EPB41L4A: variants seen among roughly 807,000 people sequenced by gnomAD.
EPB41L4A encodes band 4.1-like protein 4A.
EPB41L4A carries 100 observed loss-of-function variants against 108.6 expected under a neutral mutation model. The observed-to-expected ratio is 0.92, with a 90% CI of 0.78 to 1.09. The LOEUF (loss-of-function observed/expected upper bound fraction) is 1.09. EPB41L4A is among the 50% of genes least tolerant of loss of function. EPB41L4A has a pLI of 0.00. For missense variants in EPB41L4A, 1,030 were observed against 842.7 expected, an observed-to-expected ratio of 1.22 and a Z score of -2.75; for synonymous variants, 319 against 289.0, an observed-to-expected ratio of 1.10 and a Z score of -1.05.
At chr5:112,156,022 AAT>A (rs1414464180) in intron 12 of EPB41L4A, among the ~76,000 whole-genome samples, 2 of 152,312 alleles carry the variant, frequency 1.3e-5, no homozygotes, top group South Asian at 4.1e-4. Context: ...CTCTAAACAG[AAT>A]ACTTTTTGAA....
chr5:112,223,664 A>G (rs1218447488), intron 12 of EPB41L4A, among the ~76,000 whole-genome samples: 1 of 152,228 alleles, frequency 6.6e-6, no homozygotes, highest in East Asian at 1.9e-4. Flanking sequence ...GCCAATTCCC[A>G]CTGCTGACTT....
intron 1 of EPB41L4A, among the ~76,000 whole-genome samples, chr5:112,335,949 A>G (rs536910059): frequency 6.6e-6 from 1 of 152,224 alleles, no homozygotes; most frequent in South Asian, 2.1e-4. Flanking sequence ...TCCTTCGTCT[A>G]GAAACAGTAC....
chr5:112,414,619 A>G (rs1762599442), intron 1 of EPB41L4A, among the ~76,000 whole-genome samples: 1 of 152,228 alleles, frequency 6.6e-6, no homozygotes, highest in Non-Finnish European at 1.5e-5. Flanking sequence ...GTAGTTCACT[A>G]TCAACCAAGA....
At chr5:112,414,604 A>T (rs1027236831) in intron 1 of EPB41L4A, among the ~76,000 whole-genome samples, 1 of 152,204 alleles carries the variant, frequency 6.6e-6, no homozygotes, top group Non-Finnish European at 1.5e-5. Flanking sequence ...TGGACTGCAA[A>T]AAGTGTAGTT....
In EPB41L4A at chr5:112,307,377, C is replaced by T. The variant is rs1437313646; in HGVS notation, c.204+9G>A. On this transcript the variant is annotated intron_variant, in intron 2 of 22. Transcript: ENST00000261486. ...CCAGAAAAATTTAACACAAAGTCAC[C>T]TTACTCACCGTCTGATGGCTTCTGT... 6.3e-7 allele frequency: 1 copy of T among 1,582,522 alleles called. No individual in the cohort carries two copies. Among genetic ancestry groups the T allele is most frequent in the Non-Finnish European group, 8.7e-7 (1 of 1,152,736 alleles).
At chr5:112,377,033 G>A (rs1044804224) in intron 1 of EPB41L4A, among the ~76,000 whole-genome samples, 2 of 151,760 alleles carry the variant, frequency 1.3e-5, no homozygotes, top group African/African-American at 2.4e-5. Flanking sequence ...GGGAGACCCC[G>A]TCTCTATAAA....
chr5:112,374,354 C>T (rs1394204392), intron 1 of EPB41L4A, among the ~76,000 whole-genome samples: 1 of 152,096 alleles, frequency 6.6e-6, no homozygotes, highest in Non-Finnish European at 1.5e-5. Flanking sequence ...TCACCCAAAG[C>T]TGTAGATCAA....
chr5:112,312,008 A>G (rs1282372298), intron 1 of EPB41L4A, among the ~76,000 whole-genome samples: 1 of 152,222 alleles, frequency 6.6e-6, no homozygotes, highest in African/African-American at 2.4e-5. Flanking sequence ...ATTACGTATG[A>G]CAATGAGAAG....
chr5:112,361,714 AAT>A (rs1561607716), intron 1 of EPB41L4A, among the ~76,000 whole-genome samples: 1,276 of 114,196 alleles, frequency 0.011, 21 homozygotes, highest in South Asian at 0.053. Flanking sequence ...AAAAAAAAAT[AAT>A]AATAATAATA....
At chr5:112,218,971 A>AAT (rs1176738188) in intron 12 of EPB41L4A, among the ~76,000 whole-genome samples, 2 of 152,210 alleles carry the variant, frequency 1.3e-5, no homozygotes, top group African/African-American at 4.8e-5. Context: ...AAACATATCC[A>AAT]ATGTAATAAA....
At chr5:112,419,832 T>G, upstream of EPB41L4A, 1 of 456,684 alleles carries the variant, frequency 2.2e-6, no homozygotes, top group Non-Finnish European at 4.4e-6. Context: ...TCATTACGGG[T>G]GGCCGTGTGT....
In EPB41L4A at chr5:112,272,187, T is replaced by C. The variant is rs138321732; in HGVS notation, c.335+3139A>G. On this transcript the variant is annotated intron_variant, in intron 4 of 22. Coordinates refer to ENST00000261486, the MANE Select transcript of EPB41L4A (RefSeq NM_022140.5). Reference sequence around the variant, plus strand: ...TCTAGCTCTGTCGCCCAGGCTGGAGTGCAGTGCCGCAATCTTGGCTCACTG... The same window carrying C: ...TCTAGCTCTGTCGCCCAGGCTGGAGCGCAGTGCCGCAATCTTGGCTCACTG... 5.1e-4 allele frequency among the ~76,000 whole-genome samples: 73 copies of C among 144,036 alleles called. 1 individual carries two copies. Among genetic ancestry groups the C allele is most frequent in the African/African-American group, 1.9e-3 (72 of 38,820 alleles). The allele number at this position is 144,036 out of a possible 152,430, so 94.5% of individuals were successfully genotyped here.
intron 1 of EPB41L4A, among the ~76,000 whole-genome samples, chr5:112,332,113 C>G (rs1282653898): frequency 6.6e-6 from 1 of 152,244 alleles, no homozygotes; most frequent in Non-Finnish European, 1.5e-5. Context: ...GGACTTCCTC[C>G]TCTATCCTCA....
intron 3 of EPB41L4A, 30 bp downstream of exon 3, chr5:112,280,242 C>T: frequency 1.9e-6 from 3 of 1,600,916 alleles, no homozygotes; most frequent in Non-Finnish European, 2.6e-6. Context: ...TTCAAGCCAC[C>T]CTTTAACAAA....
chr5:112,324,507 G>A (rs770649150), intron 1 of EPB41L4A, among the ~76,000 whole-genome samples: 8 of 152,152 alleles, frequency 5.3e-5, no homozygotes, highest in South Asian at 2.1e-4. Context: ...GGCAGATCAC[G>A]AGGTAAGGAG....
At chr5:112,239,858 A>G (rs1243127973) in intron 10 of EPB41L4A, 121 bp from the exon 11 acceptor site, 3 of 519,856 alleles carry the variant, frequency 5.8e-6, no homozygotes, top group Non-Finnish European at 6.7e-6. Flanking sequence ...ATACTTCTCC[A>G]ACATCATGCA....
chr5:112,296,367 G>A (rs1480787746), intron 2 of EPB41L4A, among the ~76,000 whole-genome samples: 1 of 152,022 alleles, frequency 6.6e-6, no homozygotes, highest in African/African-American at 2.4e-5. Context: ...AGAAATTGTG[G>A]AGTTGAATTA....
chr5:112,389,822 A>C (rs954300208), intron 1 of EPB41L4A, among the ~76,000 whole-genome samples: 1 of 152,148 alleles, frequency 6.6e-6, no homozygotes, highest in Non-Finnish European at 1.5e-5. Context: ...ACGTTATCTC[A>C]CTTGATCCTC....
chr5:112,144,648 A>C (rs1353428735), intron 13 of EPB41L4A, among the ~76,000 whole-genome samples: 2 of 152,170 alleles, frequency 1.3e-5, no homozygotes, highest in Non-Finnish European at 2.9e-5. Context: ...CAAAGATGAT[A>C]TCTTTTGTGA....
Sources: allele counts gnomAD v4.1 joint callset (sites outside exome capture counted in the v4.1 genomes callset), GRCh38; gene constraint gnomAD v4.1.1; transcripts MANE v1.5; gene names NCBI Gene and HGNC (gene_info 2026-07-23, HGNC 2026-07-21).